RABGAP1: variants seen among roughly 807,000 people sequenced by gnomAD.
The protein encoded by RABGAP1 is rab GTPase-activating protein 1.
In RABGAP1, 23 loss-of-function variants were observed where a neutral mutation model predicts 137.6. That is an observed-to-expected ratio of 0.17 (90% CI 0.12 to 0.24). The LOEUF (loss-of-function observed/expected upper bound fraction) is 0.24, where lower values mean the gene tolerates loss of function less well. RABGAP1 is among the 10% of genes least tolerant of loss of function. The pLI is 1.00. For synonymous variants in RABGAP1, 451 were observed against 450.7 expected (o/e 1.00, Z -0.01); for missense variants, 906 against 1,275.8 (o/e 0.71, Z 4.42).
At chr9:122,953,055 A>G (rs574191253) in intron 1 of RABGAP1, among the ~76,000 whole-genome samples, 6 of 152,338 alleles carry the variant, frequency 3.9e-5, no homozygotes, top group Non-Finnish European at 8.8e-5. Flanking sequence ...ATGTGAAATT[A>G]GGAAATTAAT....
chr9:123,054,777 C>T (rs560987990), intron 13 of RABGAP1, among the ~76,000 whole-genome samples: 1 of 152,204 alleles, frequency 6.6e-6, no homozygotes, highest in Non-Finnish European at 1.5e-5. Context: ...GAATACTGCT[C>T]AGATATTTTG....
chr9:123,099,494 G>A lies in RABGAP1; in HGVS notation c.2834G>A (p.Ser945Asn). The change falls in exon 24 of 26, where the codon AGT (serine) becomes AAT (asparagine). Residue 945 changes from serine (S) to asparagine (N), a missense_variant. Coordinates refer to ENST00000373647, the MANE Select transcript of RABGAP1 (RefSeq NM_012197.4). ...GDYKQICSQL[S>N]ERLEKQQTAN... ...TTTCTTTAGATTTGTTCTCAGTTGAGTGAAAGATTGGAGAAGCAGCAGACA... is the reference window on the plus strand; with the variant it reads ...TTTCTTTAGATTTGTTCTCAGTTGAATGAAAGATTGGAGAAGCAGCAGACA... 1 of 1,612,366 alleles carries A rather than the reference G, an allele frequency of 6.2e-7. No individual in the cohort carries two copies. Among genetic ancestry groups the A allele is most frequent in the East Asian group, 2.2e-5 (1 of 44,874 alleles).
intron 13 of RABGAP1, among the ~76,000 whole-genome samples, chr9:123,024,478 C>T (rs1279111464): frequency 2.0e-5 from 3 of 148,554 alleles, no homozygotes; most frequent in Non-Finnish European, 3.0e-5. Flanking sequence ...CTCTGTCTGT[C>T]GCCCAGGCTG....
intron 2 of RABGAP1, among the ~76,000 whole-genome samples, chr9:122,980,649 G>C (rs1311836416): frequency 6.6e-6 from 1 of 152,214 alleles, no homozygotes; most frequent in Non-Finnish European, 1.5e-5. Context: ...AAACTAAGCA[G>C]TCAACTTTCC....
Position 122,997,247 on chromosome 9 carries a change from C to G in RABGAP1, c.1102-12C>G, listed in dbSNP as rs1837073651. 1 of 1,586,884 alleles carries G rather than the reference C, an allele frequency of 6.3e-7. No individual in the cohort carries two copies. Among genetic ancestry groups the G allele is most frequent in the South Asian group, 1.1e-5 (1 of 87,880 alleles). ...TGTGGCATTCGGGTTTATTTTTACT[C>G]TTTTTTTCTAGGAATCTATGGGCAA... On this transcript the variant is annotated splice_polypyrimidine_tract_variant and intron_variant, in intron 8 of 25. Coordinates refer to ENST00000373647, the MANE Select transcript of RABGAP1 (RefSeq NM_012197.4).
intron 13 of RABGAP1, among the ~76,000 whole-genome samples, chr9:123,049,200 C>T (rs1441276480): frequency 2.2e-5 from 3 of 138,500 alleles, no homozygotes; most frequent in Non-Finnish European, 4.6e-5. Context: ...GTTAAAGGAG[C>T]TTATTTGGCA....
intron 1 of RABGAP1, among the ~76,000 whole-genome samples, chr9:122,954,101 G>A (rs953738040): frequency 2.0e-5 from 3 of 152,214 alleles, no homozygotes; most frequent in Non-Finnish European, 4.4e-5. Flanking sequence ...GAAGGATGAA[G>A]AATTAGAGTA....
At chr9:122,970,579 A>T (rs1266963738) in intron 2 of RABGAP1, among the ~76,000 whole-genome samples, 1 of 152,172 alleles carries the variant, frequency 6.6e-6, no homozygotes, top group African/African-American at 2.4e-5. Context: ...TACCCAATAG[A>T]TAGTTTTTTC....
intron 2 of RABGAP1, among the ~76,000 whole-genome samples, chr9:122,976,255 C>T (rs1835755876): frequency 6.6e-6 from 1 of 152,106 alleles, no homozygotes; most frequent in African/African-American, 2.4e-5. Context: ...AGAACTGTTC[C>T]TTTTAATGTA....
chr9:122,968,822 C>T (rs1014493212), intron 2 of RABGAP1, among the ~76,000 whole-genome samples: 3 of 151,868 alleles, frequency 2.0e-5, no homozygotes, highest in African/African-American at 7.3e-5. Context: ...GCCATGTAGG[C>T]CAGGCTGGTC....
intron 13 of RABGAP1, among the ~76,000 whole-genome samples, chr9:123,061,106 TC>T (rs2033954158): frequency 6.6e-6 from 1 of 152,172 alleles, no homozygotes; most frequent in Admixed American, 6.5e-5. Context: ...TTTTGTTTAT[TC>T]ATTTTTGTTG....
chr9:123,014,093 A>G (rs901667788), intron 11 of RABGAP1, among the ~76,000 whole-genome samples: 1 of 152,234 alleles, frequency 6.6e-6, no homozygotes, highest in African/African-American at 2.4e-5. Flanking sequence ...GATGAAAGCA[A>G]TGAGATATAT....
rs558924860 is a variant in RABGAP1 at position 122,948,050 on chromosome 9, C to CA, written c.-50+6958dup. The stretch of plus-strand genomic sequence containing the variant: ...AAGTTCAGAGCCAGGAAAACACACA[C>CA]ACACACACACACACACACACACACA... On this transcript the variant is annotated intron_variant, in intron 1 of 25. Transcript: ENST00000373647. Among the ~76,000 whole-genome samples, 300 of 34,642 alleles carry CA rather than the reference C, an allele frequency of 8.7e-3. 3 individuals carry two copies. The Middle Eastern group carries it at 0.25, about 29-fold the overall frequency. 22.7% of individuals were successfully genotyped at this position (34,642 alleles called of 152,430 possible).
chr9:122,990,508 A>T (rs1398292237), intron 6 of RABGAP1: 2 of 182,286 alleles, frequency 1.1e-5, no homozygotes, highest in African/African-American at 4.8e-5. Context: ...TGTGGCTCAC[A>T]CCTGTAATCC....
At chr9:123,046,445 T>C (rs573041285) in intron 13 of RABGAP1, among the ~76,000 whole-genome samples, 1 of 152,200 alleles carries the variant, frequency 6.6e-6, no homozygotes, top group Non-Finnish European at 1.5e-5. Context: ...GTGTAATGTG[T>C]AGTGGCCAAA....
At position 123,020,379 on chromosome 9, in the gene RABGAP1, C is replaced by A. The variant is rs1588282091; in HGVS notation, c.1714C>A (p.Arg572=). Residue 572 remains arginine (R), a synonymous_variant, in exon 13 of 26, where the codon CGA becomes AGA. Coordinates refer to ENST00000373647, the MANE Select transcript of RABGAP1 (RefSeq NM_012197.4). The part of the protein sequence containing the change: ...LVRNGVPEAL[R]GEVWQLLAGC... The stretch of plus-strand genomic sequence containing the variant: ...AAGAAACGGTGTCCCTGAAGCTCTT[C>A]GAGGAGAAGTCTGGCAGCTGCTAGC... 1.2e-6 allele frequency: 2 copies of A among 1,606,620 alleles called. No homozygotes were observed. Among genetic ancestry groups the A allele is most frequent in the African/African-American group, 1.3e-5 (1 of 74,940 alleles).
chr9:123,009,497 A>G (rs141192346), intron 10 of RABGAP1, among the ~76,000 whole-genome samples: 51 of 152,110 alleles, frequency 3.4e-4, no homozygotes, highest in African/African-American at 1.1e-3. Context: ...CCACCTTTCT[A>G]GTTTTCTCTG....
At chr9:123,017,539 A>T (rs1263097812) in intron 12 of RABGAP1, among the ~76,000 whole-genome samples, 1 of 152,166 alleles carries the variant, frequency 6.6e-6, no homozygotes, top group African/African-American at 2.4e-5. Context: ...TATGGGTAAG[A>T]AGCATTGTAA....
chr9:122,968,353 G>A (rs960297995), intron 2 of RABGAP1, among the ~76,000 whole-genome samples: 1 of 150,874 alleles, frequency 6.6e-6, no homozygotes, highest in East Asian at 2.0e-4. Context: ...CTCCTGAGTA[G>A]TTGGGACAGT....
Sources: gnomAD v4.1 joint callset for allele counts (sites outside exome capture counted in the v4.1 genomes callset) on GRCh38, gnomAD v4.1.1 for gene constraint, MANE v1.5 for transcripts, NCBI Gene and HGNC (gene_info 2026-07-23, HGNC 2026-07-21) for gene names.